C13orf42: variants seen among roughly 807,000 people sequenced by gnomAD.
C13orf42 encodes chromosome 13 open reading frame 42, also known as uncharacterized protein C13orf42.
At chr13:51,095,931 G>C (rs1259323736) in intron 1 of C13orf42, among the ~76,000 whole-genome samples, 1 of 151,580 alleles carries the variant, frequency 6.6e-6, no homozygotes, top group African/African-American at 2.4e-5. Flanking sequence ...TAATTTTTTT[G>C]TTGAAAGCCA....
chr13:51,097,671 C>G (rs934482075), intron 1 of C13orf42, among the ~76,000 whole-genome samples: 2 of 151,756 alleles, frequency 1.3e-5, no homozygotes, highest in African/African-American at 4.8e-5. Context: ...ATCAATACCC[C>G]TAGGTGAAAC....
chr13:51,088,435 G>A (rs1023954260), intron 1 of C13orf42, among the ~76,000 whole-genome samples: 21 of 152,074 alleles, frequency 1.4e-4, no homozygotes, highest in Non-Finnish European at 2.8e-4. Context: ...TAGGTGGTGA[G>A]ACGCTCACCA....
intron 1 of C13orf42, among the ~76,000 whole-genome samples, chr13:51,123,002 C>G (rs913638215): frequency 6.6e-6 from 1 of 152,214 alleles, no homozygotes; most frequent in African/African-American, 2.4e-5. Flanking sequence ...TGGATTGATA[C>G]TTGTGGTCTG....
At chr13:51,138,728 C>A (rs1593548516) in intron 1 of C13orf42, among the ~76,000 whole-genome samples, 1 of 152,284 alleles carries the variant, frequency 6.6e-6, no homozygotes, top group East Asian at 1.9e-4. Context: ...AGCAATGCTA[C>A]TTCTGGGTAT....
At chr13:51,099,631 A>G (rs148549621) in intron 1 of C13orf42, among the ~76,000 whole-genome samples, 52 of 152,220 alleles carry the variant, frequency 3.4e-4, no homozygotes, top group African/African-American at 1.2e-3. Context: ...CCAGCTTTAT[A>G]ATGTTTGTTT....
rs550433654 is a variant in C13orf42 at position 51,162,207 on chromosome 13, T to C, written n.136+10046A>G. 99 of 199,878 alleles carry C rather than the reference T, an allele frequency of 5.0e-4. 1 individual carries two copies. Among genetic ancestry groups the C allele is most frequent in the Non-Finnish European group, 9.3e-4 (89 of 95,998 alleles). The allele number at this position is 199,878 out of a possible 1,614,324, so 12.4% of individuals were successfully genotyped here. A position where few individuals can be genotyped will look rare whatever the true frequency, so the allele number is the denominator to read the frequency against. On this transcript the variant is annotated intron_variant and non_coding_transcript_variant, in intron 1 of 4. Transcript: ENST00000433280. ...ATAATCATTCTGTATTTGTGTGTGT[T>C]AGACTTATTTTTATCCTGTACCACT...
At position 51,085,485 on chromosome 13, in the gene C13orf42, T is replaced by G. The variant is rs1953112508; in HGVS notation, c.637A>C (p.Ile213Leu). 2.5e-6 allele frequency: 1 copy of G among 398,652 alleles called. No individual in the cohort carries two copies. Among genetic ancestry groups the G allele is most frequent in the African/African-American group, 2.1e-5 (1 of 48,756 alleles). 24.7% of individuals were successfully genotyped at this position (398,652 alleles called of 1,614,324 possible). ...ACAGTATGCACAGTGTGGGCAGCGATATCCTCGGAGTGTCTGCGCGGTGCC... is the reference window on the plus strand; with the variant it reads ...ACAGTATGCACAGTGTGGGCAGCGAGATCCTCGGAGTGTCTGCGCGGTGCC... ...LRAPRRHSED[I>L]AAHTVHTVDG... The change falls in exon 3 of 4, where the codon ATC (isoleucine) becomes CTC (leucine). Residue 213 changes from isoleucine (I) to leucine (L), a missense_variant. Physicochemically the swap from Ile to Leu is conservative, Grantham distance 5. Transcript: ENST00000563710.
chr13:51,130,552 G>T (rs945008096), intron 1 of C13orf42, among the ~76,000 whole-genome samples: 1 of 152,096 alleles, frequency 6.6e-6, no homozygotes, highest in African/African-American at 2.4e-5. Flanking sequence ...TGCAAGAAAT[G>T]TACAATTTAA....
intron 1 of C13orf42, among the ~76,000 whole-genome samples, chr13:51,122,698 G>A (rs1435207444): frequency 1.3e-5 from 2 of 152,168 alleles, no homozygotes; most frequent in Non-Finnish European, 2.9e-5. Flanking sequence ...TTGACTGATA[G>A]ATCAAGCTAG....
At chr13:51,110,674 C>G (rs1392994649) in intron 1 of C13orf42, 122 bp downstream of exon 1, 2 of 396,744 alleles carry the variant, frequency 5.0e-6, no homozygotes, top group Admixed American at 4.4e-5. Context: ...AGGACTATTG[C>G]GCCGCGGCTC....
At chr13:51,154,328 G>T (rs570460312) in intron 1 of C13orf42, among the ~76,000 whole-genome samples, 3 of 152,162 alleles carry the variant, frequency 2.0e-5, no homozygotes, top group Admixed American at 2.0e-4. Context: ...CCCTGCTTTC[G>T]ATTCTGTTGG....
rs138648121 is a variant in C13orf42 at position 51,101,341 on chromosome 13, A to C, written c.414+9455T>G. Among the ~76,000 whole-genome samples, 317 of 152,300 alleles carry C rather than the reference A, an allele frequency of 2.1e-3. 1 individual carries two copies. The highest frequency in any genetic ancestry group is 7.4e-3 in the African/African-American group (309 of 41,572). ...CTAAGATATTTTTATTTTCTTCCCT[A>C]TACTTTTCTGTGTGTTATGAATTTC... is the stretch of plus-strand genomic sequence containing the variant. On this transcript the variant is annotated intron_variant, in intron 1 of 3. Coordinates refer to ENST00000563710, the MANE Select transcript of C13orf42 (RefSeq NM_001351589.3).
intron 1 of C13orf42, among the ~76,000 whole-genome samples, chr13:51,127,109 G>A (rs1320272849): frequency 1.3e-5 from 2 of 152,164 alleles, no homozygotes. Flanking sequence ...CAAGGCTACA[G>A]TGAGCTGTGA....
At chr13:51,090,233 C>T (rs9526718) in intron 1 of C13orf42, among the ~76,000 whole-genome samples, 2 of 152,182 alleles carry the variant, frequency 1.3e-5, no homozygotes, top group Non-Finnish European at 2.9e-5. Context: ...TGGCTGACTC[C>T]GAATTCATCC....
intron 1 of C13orf42, among the ~76,000 whole-genome samples, chr13:51,108,116 ATC>A: frequency 6.6e-6 from 1 of 152,024 alleles, no homozygotes; most frequent in Non-Finnish European, 1.5e-5. Flanking sequence ...TTCTCCCTGC[ATC>A]TCTGTGTCCT....
chr13:51,163,588 C>G (rs1478149295), intron 1 of C13orf42, among the ~76,000 whole-genome samples: 1 of 152,166 alleles, frequency 6.6e-6, no homozygotes, highest in Non-Finnish European at 1.5e-5. Context: ...CAACCCACAC[C>G]TAGCAGCCTC....
chr13:51,145,015 C>T (rs906327541), intron 1 of C13orf42, among the ~76,000 whole-genome samples: 1 of 152,202 alleles, frequency 6.6e-6, no homozygotes, highest in African/African-American at 2.4e-5. Context: ...AATGATTGTA[C>T]ACCTGTTGCT....
rs140349249 is a variant in C13orf42, at chr13:51,149,094, A to G, written n.136+23159T>C. 3.0e-3 allele frequency among the ~76,000 whole-genome samples: 451 copies of G among 152,296 alleles called. 4 individuals carry two copies. Among genetic ancestry groups the G allele is most frequent in the African/African-American group, 9.4e-3 (392 of 41,568 alleles). ...AGAGGCCTTCTTGTGCTCCACAAGA[A>G]GGGCTGGGCAAGAATTTCAACCACG... On this transcript the variant is annotated intron_variant and non_coding_transcript_variant, in intron 1 of 4. Transcript: ENST00000433280.
intron 1 of C13orf42, among the ~76,000 whole-genome samples, chr13:51,132,464 G>A (rs565905652): frequency 1.6e-4 from 24 of 151,636 alleles, no homozygotes; most frequent in Admixed American, 3.9e-4. Flanking sequence ...TAAGCTTACC[G>A]AATGTTTTCT....
Sources: gnomAD v4.1 joint callset for allele counts (sites outside exome capture counted in the v4.1 genomes callset) on GRCh38, gnomAD v4.1.1 for gene constraint, MANE v1.5 for transcripts, NCBI Gene and HGNC (gene_info 2026-07-23, HGNC 2026-07-21) for gene names.